STAMBPL1: variants seen among roughly 807,000 people sequenced by gnomAD.
The protein encoded by STAMBPL1 is AMSH-like protease.
STAMBPL1 carries 44 observed loss-of-function variants against 52.9 expected under a neutral mutation model. That is an observed-to-expected ratio of 0.83 (90% CI 0.65 to 1.07). The LOEUF is 1.07. Ranked by LOEUF, STAMBPL1 falls within the 50% of genes least tolerant of loss-of-function variation. The probability of loss-of-function intolerance (pLI) is 0.00; values close to 1 mark genes in which losing one functional copy is unlikely to be tolerated. For synonymous variants in STAMBPL1, 164 were observed against 177.3 expected (o/e 0.92, Z 0.60); for missense variants, 511 against 520.8 (o/e 0.98, Z 0.18).
chr10:88,913,196 A>G lies in STAMBPL1; in HGVS notation c.516A>G (p.Leu172=). 1.2e-6 allele frequency: 2 copies of G among 1,613,902 alleles called. No individual in the cohort carries two copies. The highest frequency in any genetic ancestry group is 8.5e-7 in the Non-Finnish European group (1 of 1,179,864). Residue 172 remains leucine (L), a synonymous_variant, in exon 6 of 11, where the codon CTA becomes CTG. Coordinates refer to ENST00000371926, the MANE Select transcript of STAMBPL1 (RefSeq NM_020799.4). Reference sequence around the variant, plus strand: ...TTGCTCAGATGCGCCAGCAGCAGCTAGAATCGGAGCAGTTTCTGTTTTTCG... The same window carrying G: ...TTGCTCAGATGCGCCAGCAGCAGCTGGAATCGGAGCAGTTTCTGTTTTTCG... The part of the protein sequence containing the change: ...KRIAQMRQQQ[L]ESEQFLFFED...
chr10:88,885,712 C>A (rs1844515015), intron 1 of STAMBPL1, among the ~76,000 whole-genome samples: 1 of 152,140 alleles, frequency 6.6e-6, no homozygotes, highest in South Asian at 2.1e-4. Flanking sequence ...AGAGTAATGG[C>A]AAAGCAAATT....
At chr10:88,908,649 T>A in intron 3 of STAMBPL1, 53 bp from the exon 4 acceptor site, 2 of 1,421,638 alleles carry the variant, frequency 1.4e-6, no homozygotes, top group Non-Finnish European at 2.0e-6. Context: ...TTAGAAAGCA[T>A]TATTGAACTT....
At chr10:88,911,746 A>G (rs768467309) in intron 5 of STAMBPL1, among the ~76,000 whole-genome samples, 5 of 152,140 alleles carry the variant, frequency 3.3e-5, no homozygotes, top group Non-Finnish European at 5.9e-5. Context: ...TTGACTTTCT[A>G]TGGGCATAGG....
chr10:88,901,629 T>C (rs1844944912), intron 1 of STAMBPL1, 27 bp from the exon 2 acceptor site: 5 of 1,493,264 alleles, frequency 3.3e-6, no homozygotes, highest in African/African-American at 2.8e-5. Context: ...AAAATAACTT[T>C]AGTTCTGCTT....
intron 1 of STAMBPL1, among the ~76,000 whole-genome samples, chr10:88,891,673 C>CA (rs1302647327): frequency 7.3e-5 from 11 of 151,552 alleles, no homozygotes; most frequent in Admixed American, 2.0e-4. Context: ...ATTTTTTTGC[C>CA]AAAAAAATGC....
At chr10:88,898,364 A>G (rs1212224721) in intron 1 of STAMBPL1, among the ~76,000 whole-genome samples, 1 of 152,130 alleles carries the variant, frequency 6.6e-6, no homozygotes, top group African/African-American at 2.4e-5. Context: ...GACCTCACAG[A>G]CTCCCTGACA....
intron 8 of STAMBPL1, 32 bp from the exon 9 acceptor site, chr10:88,921,251 C>G (rs777801454): frequency 1.3e-6 from 2 of 1,564,076 alleles, no homozygotes; most frequent in African/African-American, 1.4e-5. Context: ...AGACAGCTAT[C>G]CTAGTAAGAT....
At position 88,913,355 on chromosome 10, in the gene STAMBPL1, A is replaced by C. The variant is rs755179781; in HGVS notation, c.675A>C (p.Val225=). The change falls in exon 6 of 11, where the codon GTA becomes GTC. Residue 225 remains valine (V), a synonymous_variant. Transcript: ENST00000371926. ...ACCAGAACAATTCCTTGCTGAATGT[A>C]TTTGCAGATCAACCTAATAAAAGTG... The part of the protein sequence containing the change: ...STHQNNSLLN[V]FADQPNKSDA... 21 of 1,613,794 alleles carry C rather than the reference A, an allele frequency of 1.3e-5. No homozygotes were observed. In the Middle Eastern group the frequency reaches 1.3e-3, roughly 101 times the overall value.
chr10:88,893,273 CA>C (rs1473544992), intron 1 of STAMBPL1, among the ~76,000 whole-genome samples: 1 of 152,138 alleles, frequency 6.6e-6, no homozygotes, highest in East Asian at 1.9e-4. Context: ...AAAATTAGCA[CA>C]TTGATGAGCA....
At chr10:88,897,035 T>C (rs1354071749) in intron 1 of STAMBPL1, among the ~76,000 whole-genome samples, 1 of 152,180 alleles carries the variant, frequency 6.6e-6, no homozygotes, top group Non-Finnish European at 1.5e-5. Context: ...CATGTTTCCA[T>C]GGGGGACTTC....
intron 1 of STAMBPL1, among the ~76,000 whole-genome samples, chr10:88,888,820 T>C (rs1265613165): frequency 6.6e-6 from 1 of 152,198 alleles, no homozygotes; most frequent in Non-Finnish European, 1.5e-5. Context: ...TTGTAGGTTT[T>C]ATAAAAAAGT....
chr10:88,914,676 A>AC lies in STAMBPL1; in HGVS notation c.903+18_903+19insC. 9.4e-7 allele frequency: 1 copy of AC among 1,068,204 alleles called. No homozygotes were observed. The highest frequency in any genetic ancestry group is 1.2e-6 in the Non-Finnish European group (1 of 825,942). The allele number at this position is 1,068,204 out of a possible 1,614,324, so 66.2% of individuals were successfully genotyped here. On this transcript the variant is annotated intron_variant, in intron 7 of 10. Coordinates refer to ENST00000371926, the MANE Select transcript of STAMBPL1 (RefSeq NM_020799.4). ...GAAAACTGGTATGATCTTTTTATAT[A>AC]AATATATATATATATATATCTGCAT... is the stretch of plus-strand genomic sequence containing the variant.
At chr10:88,897,733 A>T (rs1445492003) in intron 1 of STAMBPL1, among the ~76,000 whole-genome samples, 1 of 152,236 alleles carries the variant, frequency 6.6e-6, no homozygotes, top group Non-Finnish European at 1.5e-5. Context: ...TTTAGCAAGC[A>T]AATGATAGAG....
In STAMBPL1 at chr10:88,901,708, C is replaced by T. The variant is rs1170472945; in HGVS notation, c.-1C>T. On this transcript the variant is annotated 5_prime_UTR_variant, in exon 2 of 11. Coordinates refer to ENST00000371926, the MANE Select transcript of STAMBPL1 (RefSeq NM_020799.4). ...CATCCTCATTTCACAGATAAGACAACATGGATCAGCCTTTTACTGTGAATT... is the reference window on the plus strand; with the variant it reads ...CATCCTCATTTCACAGATAAGACAATATGGATCAGCCTTTTACTGTGAATT... 3 of 1,611,430 alleles carry T rather than the reference C, an allele frequency of 1.9e-6. No homozygotes were observed. Among genetic ancestry groups the T allele is most frequent in the Non-Finnish European group, 2.5e-6 (3 of 1,178,912 alleles).
intron 6 of STAMBPL1, among the ~76,000 whole-genome samples, chr10:88,913,963 C>T (rs1300425889): frequency 6.6e-6 from 1 of 152,154 alleles, no homozygotes; most frequent in African/African-American, 2.4e-5. Flanking sequence ...TAGTGCTGCT[C>T]AGTACTGCCA....
At chr10:88,915,162 A>G (rs1006837091) in intron 7 of STAMBPL1, among the ~76,000 whole-genome samples, 2 of 152,188 alleles carry the variant, frequency 1.3e-5, no homozygotes, top group African/African-American at 4.8e-5. Flanking sequence ...TAATTATGGA[A>G]GATGTCATCA....
rs761546991 is a variant in STAMBPL1 at position 88,914,557 on chromosome 10, T to C, written c.802T>C (p.Cys268Arg). Residue 268 changes from cysteine (C) to arginine (R), a missense_variant, in exon 7 of 11, where the codon TGT (cysteine) becomes CGT (arginine). This residue lies in a region of STAMBPL1 where 358 missense variants were observed against 343.5 expected (regional missense o/e 1.04). Coordinates refer to ENST00000371926, the MANE Select transcript of STAMBPL1 (RefSeq NM_020799.4). Reference sequence around the variant, plus strand: ...AGATTTAGTGGTTGAAGGACTGCGATGTGTAGTTTTGCCAGAAGATCTTTG... The same window carrying C: ...AGATTTAGTGGTTGAAGGACTGCGACGTGTAGTTTTGCCAGAAGATCTTTG... ...VQNLVVEGLR[C>R]VVLPEDLCHK... 1.8e-5 allele frequency: 28 copies of C among 1,537,510 alleles called. No individual in the cohort carries two copies. Among genetic ancestry groups the C allele is most frequent in the Non-Finnish European group, 2.3e-5 (26 of 1,140,202 alleles).
intron 1 of STAMBPL1, among the ~76,000 whole-genome samples, chr10:88,883,227 T>A (rs759053417): frequency 7.1e-4 from 108 of 152,118 alleles, no homozygotes; most frequent in Non-Finnish European, 1.3e-3. Context: ...TGCTATTTTT[T>A]AAATCATAAC....
At position 88,923,410 on chromosome 10, in the gene STAMBPL1, G is replaced by C. The variant is rs761196089; in HGVS notation, c.*186G>C. ...CTTTTTGGGTTGCTCTGTGTCAAGA[G>C]AGGTTACATGGTGTTAAATCGGTAC... On this transcript the variant is annotated 3_prime_UTR_variant, in exon 11 of 11. Coordinates refer to ENST00000371926, the MANE Select transcript of STAMBPL1 (RefSeq NM_020799.4). The C allele has an allele frequency of 2.6e-5, 35 of 1,348,894 alleles. No individual in the cohort carries two copies. Among genetic ancestry groups the C allele is most frequent in the Non-Finnish European group, 3.2e-5 (34 of 1,056,672 alleles). The allele number at this position is 1,348,894 out of a possible 1,614,324, so 83.6% of individuals were successfully genotyped here.
Sources: allele counts gnomAD v4.1 joint callset (sites outside exome capture counted in the v4.1 genomes callset), GRCh38; gene constraint gnomAD v4.1.1; regional missense constraint gnomAD v4.1.1; transcripts MANE v1.5; gene names NCBI Gene and HGNC (gene_info 2026-07-23, HGNC 2026-07-21).